Variants in RBFOX1 observed in about 807,000 individuals in gnomAD.
RBFOX1 encodes the protein RNA binding fox-1 homolog 1.
RBFOX1 carries 8 observed loss-of-function variants against 57.7 expected under a neutral mutation model. The ratio of observed to expected loss-of-function variants is 0.14; its 90% CI spans 0.08 to 0.25. RBFOX1 has a LOEUF of 0.25. Ranked by LOEUF, RBFOX1 falls within the 10% of genes least tolerant of loss-of-function variation. RBFOX1 has a pLI of 1.00. For missense variants in RBFOX1, 611 were observed against 548.5 expected, an observed-to-expected ratio of 1.11 and a Z score of -1.14; for synonymous variants, 326 against 222.4, an observed-to-expected ratio of 1.47 and a Z score of -4.15.
At chr16:6,552,328 G>C in intron 2 of RBFOX1, among the ~76,000 whole-genome samples, 1 of 152,144 alleles carries the variant, frequency 6.6e-6, no homozygotes, top group Middle Eastern at 3.2e-3. Flanking sequence ...CAGTGAATCA[G>C]AGCCCAGTTT....
At chr16:6,966,767 C>CTATATATA (rs1269243043) in intron 3 of RBFOX1, among the ~76,000 whole-genome samples, 1 of 23,610 alleles carries the variant, frequency 4.2e-5, no homozygotes, top group African/African-American at 1.2e-4. Context: ...GTCTGTCTAT[C>CTATATATA]TATCTATCTA....
chr16:7,389,114 TG>T (rs1320274698), intron 4 of RBFOX1, among the ~76,000 whole-genome samples: 17 of 152,152 alleles, frequency 1.1e-4, no homozygotes, highest in African/African-American at 3.9e-4. Context: ...TCTATTTCTT[TG>T]TTCCTTTTTA....
chr16:6,158,987 C>G (rs541435736), intron 1 of RBFOX1, among the ~76,000 whole-genome samples: 1 of 152,084 alleles, frequency 6.6e-6, no homozygotes, highest in South Asian at 2.1e-4. Flanking sequence ...ACTGCAACCT[C>G]CACCTCCTGG....
rs370068437 is a variant in RBFOX1 at position 7,030,232 on chromosome 16, G to T, written c.-15-21825G>T. Among the ~76,000 whole-genome samples the T allele has an allele frequency of 1.3e-4, 20 of 152,292 alleles. No homozygotes were observed. In the South Asian group the frequency reaches 2.3e-3, roughly 17 times the overall value. On this transcript the variant is annotated intron_variant, in intron 3 of 15. Transcript: ENST00000550418. Reference sequence around the variant, plus strand: ...TCATGATAGAGAAGGCTGTTCTTCAGTGACACAGATGGGATGGAGTGGAGT... The same window carrying T: ...TCATGATAGAGAAGGCTGTTCTTCATTGACACAGATGGGATGGAGTGGAGT...
chr16:5,386,955 G>A (rs948938932), intron 1 of RBFOX1, among the ~76,000 whole-genome samples: 2 of 152,234 alleles, frequency 1.3e-5, no homozygotes, highest in African/African-American at 2.4e-5. Flanking sequence ...GGAGGCTGAG[G>A]CAGTAGAATC....
rs75629527 is a variant in RBFOX1, at chr16:5,663,011, C to A, written c.318+64050C>A. On this transcript the variant is annotated intron_variant, in intron 3 of 19. Coordinates refer to the RBFOX1 transcript ENST00000641259. ...AGTGGGCAGGAGAGCAATTTTGCCT[C>A]CCAGAGGGCAGTTGGCAATGTCTGG... is the stretch of plus-strand genomic sequence containing the variant. Among the ~76,000 whole-genome samples, 799 of 152,240 alleles carry A rather than the reference C, an allele frequency of 5.2e-3. 8 individuals carry two copies. Among genetic ancestry groups the A allele is most frequent in the African/African-American group, 0.018 (761 of 41,520 alleles).
chr16:7,235,591 C>T (rs758185019), intron 4 of RBFOX1, among the ~76,000 whole-genome samples: 2 of 152,096 alleles, frequency 1.3e-5, no homozygotes, highest in Non-Finnish European at 2.9e-5. Context: ...CTGCGTTTGC[C>T]CTTTCAATTG....
chr16:6,877,808 C>G (rs547965807), intron 3 of RBFOX1, among the ~76,000 whole-genome samples: 1 of 152,076 alleles, frequency 6.6e-6, no homozygotes, highest in African/African-American at 2.4e-5. Context: ...GCTTGTGTAA[C>G]TAGGAGAATA....
chr16:6,603,041 T>C lies in RBFOX1; in HGVS notation c.-63-51562T>C, dbSNP rs577729582. Among the ~76,000 whole-genome samples the C allele has an allele frequency of 2.0e-5, 3 of 152,354 alleles. No individual in the cohort carries two copies. The South Asian group carries it at 6.2e-4, about 32-fold the overall frequency. On this transcript the variant is annotated intron_variant, in intron 2 of 15. Coordinates refer to ENST00000550418, the MANE Select transcript of RBFOX1 (RefSeq NM_018723.4). ...AATTTTATTTATTTCAGTAAGTATTTACTGTCATTGTCTACTCTTCATCCT... is the reference window on the plus strand; with the variant it reads ...AATTTTATTTATTTCAGTAAGTATTCACTGTCATTGTCTACTCTTCATCCT...
In RBFOX1 at chr16:6,562,880, C is replaced by CTTTT. The variant is rs71145250; in HGVS notation, c.-63-91708_-63-91705dup. Among the ~76,000 whole-genome samples, 167 of 51,760 alleles carry CTTTT rather than the reference C, an allele frequency of 3.2e-3. 20 individuals are homozygous for CTTTT. The highest frequency in any genetic ancestry group is 0.015 in the South Asian group (11 of 750). The allele number at this position is 51,760 out of a possible 152,430, so 34.0% of individuals were successfully genotyped here. A position where few individuals can be genotyped will look rare whatever the true frequency, so the allele number is the denominator to read the frequency against. On this transcript the variant is annotated intron_variant, in intron 2 of 15. Coordinates refer to ENST00000550418, the MANE Select transcript of RBFOX1 (RefSeq NM_018723.4). Reference sequence around the variant, plus strand: ...TCTTTCTTTCTTTCTTTCTTTCTTTCTTTTTTTTTTTTTTTTTTGCATAGT... The same window carrying CTTTT: ...TCTTTCTTTCTTTCTTTCTTTCTTTCTTTTTTTTTTTTTTTTTTTTTTGCATAGT...
intron 1 of RBFOX1, among the ~76,000 whole-genome samples, chr16:5,403,349 C>CAAAAAAAA (rs767830099): frequency 3.6e-5 from 3 of 82,252 alleles, no homozygotes; most frequent in African/African-American, 7.1e-5. Flanking sequence ...AACGCTGTCT[C>CAAAAAAAA]AAAAAAAAAA....
intron 3 of RBFOX1, among the ~76,000 whole-genome samples, chr16:6,994,044 T>C (rs2091910801): frequency 1.3e-5 from 2 of 152,162 alleles, no homozygotes; most frequent in African/African-American, 4.8e-5. Context: ...CACCTCCCCC[T>C]CTGGGAGTTT....
intron 1 of RBFOX1, among the ~76,000 whole-genome samples, chr16:6,167,742 C>A (rs1051488995): frequency 6.6e-6 from 1 of 152,134 alleles, no homozygotes; most frequent in Admixed American, 6.6e-5. Flanking sequence ...CCTCATCATT[C>A]TTGGATGTGG....
Position 6,648,924 on chromosome 16 carries a change from A to G in RBFOX1, c.-63-5679A>G, listed in dbSNP as rs942287795. On this transcript the variant is annotated intron_variant, in intron 2 of 15. Transcript: ENST00000550418. Reference sequence around the variant, plus strand: ...TGTGGAATGGCTAAATAGAGCCAATATCATATACATTACCTCACAACGTCA... The same window carrying G: ...TGTGGAATGGCTAAATAGAGCCAATGTCATATACATTACCTCACAACGTCA... 2.0e-5 allele frequency among the ~76,000 whole-genome samples: 3 copies of G among 152,234 alleles called. No individual in the cohort carries two copies. The East Asian group carries it at 5.8e-4, about 29-fold the overall frequency.
Position 6,631,305 on chromosome 16 carries a change from C to T in RBFOX1, c.-63-23298C>T, listed in dbSNP as rs576964248. ...TGAGTGTGTGTGTGTGTACGAGAGA[C>T]AGAGATGCATTTTAATGCATATTTA... On this transcript the variant is annotated intron_variant, in intron 2 of 15. Coordinates refer to ENST00000550418, the MANE Select transcript of RBFOX1 (RefSeq NM_018723.4). 1.3e-4 allele frequency among the ~76,000 whole-genome samples: 20 copies of T among 151,632 alleles called. No individual in the cohort carries two copies. The East Asian group carries it at 1.4e-3, about 10-fold the overall frequency.
chr16:5,770,326 T>C (rs1057378156), intron 3 of RBFOX1, among the ~76,000 whole-genome samples: 8 of 152,310 alleles, frequency 5.3e-5, no homozygotes, highest in African/African-American at 1.9e-4. Context: ...CTGCTCTTTG[T>C]ATGCATTAAT....
intron 4 of RBFOX1, among the ~76,000 whole-genome samples, chr16:6,010,717 G>C (rs1174211233): frequency 1.3e-5 from 2 of 152,168 alleles, no homozygotes; most frequent in Non-Finnish European, 2.9e-5. Flanking sequence ...GTTCAGTTTT[G>C]ACTAAATTCC....
At chr16:6,008,877 C>T (rs1326233589) in intron 4 of RBFOX1, among the ~76,000 whole-genome samples, 3 of 152,212 alleles carry the variant, frequency 2.0e-5, no homozygotes, top group South Asian at 2.1e-4. Context: ...CAAGCAAGCT[C>T]GTCTTAGAGC....
chr16:5,618,876 C>T (rs2048123448), intron 3 of RBFOX1, among the ~76,000 whole-genome samples: 1 of 152,164 alleles, frequency 6.6e-6, no homozygotes, highest in African/African-American at 2.4e-5. Context: ...ATCCAGAACC[C>T]AGCTTCCTGT....
Sources: allele counts gnomAD v4.1 joint callset (sites outside exome capture counted in the v4.1 genomes callset), GRCh38; gene constraint gnomAD v4.1.1; transcripts MANE v1.5; gene names NCBI Gene and HGNC (gene_info 2026-07-23, HGNC 2026-07-21).